The following TENM4 variants were observed in gnomAD, a reference collection of about 807,000 sequenced individuals.
TENM4 encodes teneurin transmembrane protein 4.
A neutral mutation model predicts 243.3 loss-of-function variants in TENM4; 82 were observed. The ratio of observed to expected loss-of-function variants is 0.34; its 90% CI spans 0.28 to 0.40. The LOEUF is 0.40. Ranked by LOEUF, TENM4 falls within the 10% of genes least tolerant of loss-of-function variation. The pLI is 1.00. For missense variants in TENM4, 3,138 were observed against 3,673.3 expected (o/e 0.85, Z 3.77); for synonymous variants, 1,412 against 1,456.3 (o/e 0.97, Z 0.69).
chr11:79,170,206 C>T (rs912586714), intron 3 of TENM4, among the ~76,000 whole-genome samples: 2 of 152,102 alleles, frequency 1.3e-5, no homozygotes, highest in Non-Finnish European at 1.5e-5. Flanking sequence ...GACTCCTTTC[C>T]TTCCAAGTTC....
At chr11:78,896,158 C>T (rs961103728) in intron 7 of TENM4, among the ~76,000 whole-genome samples, 7 of 152,156 alleles carry the variant, frequency 4.6e-5, no homozygotes, top group African/African-American at 1.7e-4. Flanking sequence ...ACAGTGAGCC[C>T]GCTGTCCTGG....
At chr11:79,240,048 T>C (rs2135279223) in intron 2 of TENM4, among the ~76,000 whole-genome samples, 1 of 152,288 alleles carries the variant, frequency 6.6e-6, no homozygotes, top group South Asian at 2.1e-4. Context: ...GGTAAAGTGC[T>C]CTAGAGCCAG....
intron 29 of TENM4, among the ~76,000 whole-genome samples, chr11:78,686,050 A>C (rs1316062871): frequency 1.3e-5 from 2 of 152,008 alleles, no homozygotes; most frequent in South Asian, 2.1e-4. Context: ...CCAAGGCAGG[A>C]CTCTAATCTG....
intron 12 of TENM4, among the ~76,000 whole-genome samples, chr11:78,843,721 G>A (rs1858315638): frequency 6.6e-6 from 1 of 152,186 alleles, no homozygotes; most frequent in African/African-American, 2.4e-5. Context: ...GCTTTGGAAT[G>A]TTCTGGAACT....
rs368806075 is a variant in TENM4 at position 78,786,930 on chromosome 11, C to G, written c.2333G>C (p.Ser778Thr). ...GCAGTGTTCGCCATTCCAGCCAGGGCTGCACTCGCACTTGCCGTCGCGGCA... is the reference window on the plus strand; with the variant it reads ...GCAGTGTTCGCCATTCCAGCCAGGGGTGCACTCGCACTTGCCGTCGCGGCA... ...GTCRDGKCEC[S>T]PGWNGEHCTI... The change falls in exon 16 of 34, where the codon AGC (serine) becomes ACC (threonine). Residue 778 changes from serine (S) to threonine (T), a missense_variant. Transcript: ENST00000278550. The G allele has an allele frequency of 1.7e-5, 28 of 1,609,012 alleles. No homozygotes were observed. The highest frequency in any genetic ancestry group is 2.2e-5 in the Non-Finnish European group (26 of 1,178,084).
intron 2 of TENM4, among the ~76,000 whole-genome samples, chr11:79,222,358 G>A (rs1864176932): frequency 6.6e-6 from 1 of 152,166 alleles, no homozygotes; most frequent in Non-Finnish European, 1.5e-5. Flanking sequence ...TGGCTGCATA[G>A]TATTCCATGG....
At chr11:79,079,923 C>T (rs1860625600) in intron 4 of TENM4, among the ~76,000 whole-genome samples, 1 of 151,876 alleles carries the variant, frequency 6.6e-6, no homozygotes, top group African/African-American at 2.4e-5. Context: ...GGTGCCCAAA[C>T]CCTCCTCAGT....
At chr11:79,268,597 A>C (rs985910809) in intron 2 of TENM4, among the ~76,000 whole-genome samples, 2 of 152,172 alleles carry the variant, frequency 1.3e-5, no homozygotes, top group African/African-American at 4.8e-5. Context: ...TGTAACCCCA[A>C]ACCCAACACT....
At chr11:78,858,415 C>A (rs1394047488) in intron 10 of TENM4, among the ~76,000 whole-genome samples, 2 of 152,152 alleles carry the variant, frequency 1.3e-5, no homozygotes, top group African/African-American at 4.8e-5. Context: ...CTATCAGGAC[C>A]TTGAGGGCCT....
chr11:79,275,248 TGTGCGC>T (rs779860820), intron 2 of TENM4, among the ~76,000 whole-genome samples: 2 of 151,810 alleles, frequency 1.3e-5, no homozygotes, highest in African/African-American at 4.9e-5. Flanking sequence ...TGTGTCTGTG[TGTGCGC>T]GCGCATGCGG....
intron 2 of TENM4, among the ~76,000 whole-genome samples, chr11:79,263,891 C>A (rs1855839118): frequency 6.6e-6 from 1 of 152,168 alleles, no homozygotes; most frequent in Non-Finnish European, 1.5e-5. Context: ...AAAAGTGGGC[C>A]TAGACCTCCC....
intron 1 of TENM4, among the ~76,000 whole-genome samples, chr11:79,303,907 A>T (rs1296583609): frequency 6.6e-6 from 1 of 152,184 alleles, no homozygotes; most frequent in Non-Finnish European, 1.5e-5. Flanking sequence ...ACTGAAGTTC[A>T]AAAGAGTCTT....
chr11:78,862,931 A>T, intron 10 of TENM4, 31 bp downstream of exon 10: 12 of 1,386,106 alleles, frequency 8.7e-6, no homozygotes, highest in Non-Finnish European at 1.1e-5. Context: ...GACACAGAGG[A>T]CTCACAACAC....
intron 1 of TENM4, among the ~76,000 whole-genome samples, chr11:79,390,528 T>G (rs1858210538): frequency 6.6e-6 from 1 of 152,140 alleles, no homozygotes; most frequent in African/African-American, 2.4e-5. Flanking sequence ...GGTACTGCTA[T>G]CCTCATTTTT....
At chr11:79,153,916 G>A (rs984267775) in intron 3 of TENM4, among the ~76,000 whole-genome samples, 2 of 152,108 alleles carry the variant, frequency 1.3e-5, no homozygotes, top group Non-Finnish European at 2.9e-5. Flanking sequence ...ATTTTGGAAG[G>A]ACTTCAGTTT....
At chr11:79,217,135 C>A (rs534926598) in intron 2 of TENM4, among the ~76,000 whole-genome samples, 25 of 152,018 alleles carry the variant, frequency 1.6e-4, no homozygotes, top group Non-Finnish European at 3.4e-4. Flanking sequence ...GATACCCGTA[C>A]AAAATAAAGG....
chr11:78,842,896 A>AT (rs1858294850), intron 12 of TENM4, among the ~76,000 whole-genome samples: 1 of 152,230 alleles, frequency 6.6e-6, no homozygotes, highest in African/African-American at 2.4e-5. Flanking sequence ...TATGTAGGCC[A>AT]GGTGTGATGG....
intron 4 of TENM4, among the ~76,000 whole-genome samples, chr11:79,117,038 CATT>C (rs1383204458): frequency 1.3e-5 from 2 of 152,170 alleles, no homozygotes; most frequent in Admixed American, 6.5e-5. Context: ...TCATCATCAT[CATT>C]ATTATCATTT....
At chr11:78,688,304 C>G (rs1858736311) in intron 28 of TENM4, 78 bp from the exon 29 acceptor site, 1 of 1,486,754 alleles carries the variant, frequency 6.7e-7, no homozygotes, top group South Asian at 1.3e-5. Flanking sequence ...CTACCTCATG[C>G]CATGGTTTTG....
Sources: gnomAD v4.1 joint callset for allele counts (sites outside exome capture counted in the v4.1 genomes callset) on GRCh38, gnomAD v4.1.1 for gene constraint, MANE v1.5 for transcripts, NCBI Gene and HGNC (gene_info 2026-07-23, HGNC 2026-07-21) for gene names.